TMEM106B: variants seen among roughly 807,000 people sequenced by gnomAD.
TMEM106B encodes the protein transmembrane protein 106B.
Under a neutral mutation model 31.1 loss-of-function variants are expected in TMEM106B, and 15 were observed. The observed-to-expected ratio is 0.48, with a 90% CI of 0.32 to 0.74. TMEM106B has a LOEUF of 0.74. Among genes scored for constraint, TMEM106B ranks in the 30% least tolerant of loss-of-function variants. The pLI is 0.03. For missense variants in TMEM106B, 283 were observed against 327.3 expected (o/e 0.86, Z 1.04); for synonymous variants, 126 against 112.5 (o/e 1.12, Z -0.76).
chr7:12,218,079 G>A (rs536059086), intron 2 of TMEM106B, among the ~76,000 whole-genome samples: 2 of 152,170 alleles, frequency 1.3e-5, no homozygotes, highest in African/African-American at 2.4e-5. Context: ...TCAGGAAAGG[G>A]CGATACCAAT....
intron 5 of TMEM106B, among the ~76,000 whole-genome samples, chr7:12,230,091 A>C (rs1333675628): frequency 6.6e-6 from 1 of 151,448 alleles, no homozygotes; most frequent in Non-Finnish European, 1.5e-5. Flanking sequence ...GGTAGTGTGC[A>C]CCTCTCTTCC....
rs1282409622 is a variant in TMEM106B at position 12,236,683 on chromosome 7, T to A, written c.*4708T>A. On this transcript the variant is annotated 3_prime_UTR_variant, in exon 8 of 8. Coordinates refer to ENST00000396668, the MANE Select transcript of TMEM106B (RefSeq NM_001134232.2). ...GAAACTAGAAGTCTGGGAGGTACTATATCAGCTGTAGTTGGGTAATTCCAA... is the reference window on the plus strand; with the variant it reads ...GAAACTAGAAGTCTGGGAGGTACTAAATCAGCTGTAGTTGGGTAATTCCAA... The A allele has an allele frequency of 6.6e-6, 1 of 152,072 alleles. No homozygotes were observed. The highest frequency in any genetic ancestry group is 1.5e-5 in the Non-Finnish European group (1 of 67,936). 9.4% of individuals were successfully genotyped at this position (152,072 alleles called of 1,614,324 possible). A position where few individuals can be genotyped will look rare whatever the true frequency, so the allele number is the denominator to read the frequency against.
Position 12,237,577 on chromosome 7 carries a change from T to G in TMEM106B, c.*5602T>G, listed in dbSNP as rs1374791690. The G allele has an allele frequency of 6.6e-6, 1 of 152,142 alleles. No homozygotes were observed. Among genetic ancestry groups the G allele is most frequent in the Non-Finnish European group, 1.5e-5 (1 of 68,016 alleles). 9.4% of individuals were successfully genotyped at this position (152,142 alleles called of 1,614,324 possible). A position where few individuals can be genotyped will look rare whatever the true frequency, so the allele number is the denominator to read the frequency against. ...ATATAATCAAGCAAGTTACACACCT[T>G]TTTTTGGTTTCCCAGTGCATATGAA... On this transcript the variant is annotated 3_prime_UTR_variant, in exon 8 of 8. Coordinates refer to ENST00000396668, the MANE Select transcript of TMEM106B (RefSeq NM_001134232.2).
intron 1 of TMEM106B, among the ~76,000 whole-genome samples, chr7:12,212,364 G>T (rs77244413): frequency 6.6e-6 from 1 of 152,180 alleles, no homozygotes; most frequent in African/African-American, 2.4e-5. Context: ...GTTACAGTGT[G>T]TGGGGACAGT....
chr7:12,232,091 C>T lies in TMEM106B; in HGVS notation c.*116C>T, dbSNP rs999795878. 7 of 943,120 alleles carry T rather than the reference C, an allele frequency of 7.4e-6. No homozygotes were observed. Among genetic ancestry groups the T allele is most frequent in the African/African-American group, 6.6e-5 (4 of 60,538 alleles). 58.4% of individuals were successfully genotyped at this position (943,120 alleles called of 1,614,324 possible). A position where few individuals can be genotyped will look rare whatever the true frequency, so the allele number is the denominator to read the frequency against. Reference sequence around the variant, plus strand: ...TTGAACAAACCTAAAGTTTACACTTCTAAGAGTACAGTTAAAAGTATGTGG... The same window carrying T: ...TTGAACAAACCTAAAGTTTACACTTTTAAGAGTACAGTTAAAAGTATGTGG... On this transcript the variant is annotated 3_prime_UTR_variant, in exon 8 of 8. Transcript: ENST00000396668.
rs977637772 is a variant in TMEM106B at position 12,235,353 on chromosome 7, C to T, written c.*3378C>T. The T allele has an allele frequency of 1.9e-4, 29 of 152,358 alleles. No individual in the cohort carries two copies. Among genetic ancestry groups the T allele is most frequent in the African/African-American group, 6.0e-4 (25 of 41,522 alleles). 9.4% of individuals were successfully genotyped at this position (152,358 alleles called of 1,614,324 possible). A position where few individuals can be genotyped will look rare whatever the true frequency, so the allele number is the denominator to read the frequency against. On this transcript the variant is annotated 3_prime_UTR_variant, in exon 8 of 8. Coordinates refer to ENST00000396668, the MANE Select transcript of TMEM106B (RefSeq NM_001134232.2). ...TTGTTTGAAATTACTGAATAACCAT[C>T]TTAAGTATGGAACATTTAAATGGCT...
intron 5 of TMEM106B, 110 bp from the exon 6 acceptor site, chr7:12,230,279 C>A: frequency 1.2e-6 from 1 of 819,002 alleles, no homozygotes; most frequent in South Asian, 1.5e-5. Context: ...CTTTGAGAAT[C>A]AAGCTTGTAA....
At chr7:12,231,596 G>C (rs1782024145) in intron 7 of TMEM106B, 2 of 346,916 alleles carry the variant, frequency 5.8e-6, no homozygotes, top group Non-Finnish European at 1.0e-5. Context: ...TTTAACAGAA[G>C]ATAATTGTTT....
chr7:12,228,965 T>C (rs1388704633), intron 4 of TMEM106B, among the ~76,000 whole-genome samples: 2 of 152,040 alleles, frequency 1.3e-5, no homozygotes, highest in African/African-American at 4.8e-5. Context: ...AGTTTTGTCT[T>C]TTTCTTTTCA....
rs1023712939 is a variant in TMEM106B at position 12,241,493 on chromosome 7, CAT to C, written c.*9519_*9520del. The C allele has an allele frequency of 1.3e-5, 2 of 152,132 alleles. No individual in the cohort carries two copies. The highest frequency in any genetic ancestry group is 4.8e-5 in the African/African-American group (2 of 41,424). 9.4% of individuals were successfully genotyped at this position (152,132 alleles called of 1,614,324 possible). A position where few individuals can be genotyped will look rare whatever the true frequency, so the allele number is the denominator to read the frequency against. On this transcript the variant is annotated 3_prime_UTR_variant, in exon 8 of 8. Transcript: ENST00000396668. The stretch of plus-strand genomic sequence containing the variant: ...TTCAACTCCCACTTATGAGTGGCAA[CAT>C]GTGCTGTTTGGTTTTCTGTTCCTGT...
At position 12,239,246 on chromosome 7, in the gene TMEM106B, A is replaced by G. The variant is rs1473706950; in HGVS notation, c.*7271A>G. 3.3e-5 allele frequency: 5 copies of G among 152,088 alleles called. No homozygotes were observed. Among genetic ancestry groups the G allele is most frequent in the Non-Finnish European group, 2.9e-5 (2 of 68,020 alleles). 9.4% of individuals were successfully genotyped at this position (152,088 alleles called of 1,614,324 possible). On this transcript the variant is annotated 3_prime_UTR_variant, in exon 8 of 8. Coordinates refer to ENST00000396668, the MANE Select transcript of TMEM106B (RefSeq NM_001134232.2). ...CTTGGTAGCTTCCAACTTTTCTTCA[A>G]TAGCTTCCTCATCTCTCTCAGCCTT...
Position 12,234,551 on chromosome 7 carries a change from G to A in TMEM106B, c.*2576G>A, listed in dbSNP as rs1782091378. ...AAAACATCTAGAAAGAGTGAATGAG[G>A]CTTTTAGCTTTTCTTAGGTCAATGT... On this transcript the variant is annotated 3_prime_UTR_variant, in exon 8 of 8. Transcript: ENST00000396668. The A allele has an allele frequency of 6.6e-6, 1 of 151,774 alleles. No homozygotes were observed. Among genetic ancestry groups the A allele is most frequent in the Non-Finnish European group, 1.5e-5 (1 of 67,766 alleles). 9.4% of individuals were successfully genotyped at this position (151,774 alleles called of 1,614,324 possible).
intron 4 of TMEM106B, among the ~76,000 whole-genome samples, chr7:12,228,685 A>T (rs994971181): frequency 3.3e-5 from 5 of 152,004 alleles, no homozygotes; most frequent in Admixed American, 2.0e-4. Flanking sequence ...ATATAACTAA[A>T]TTACTGATGA....
In TMEM106B at chr7:12,221,087, A is replaced by AGT. The variant is rs71027479; in HGVS notation, c.281+2589_281+2590dup. Among the ~76,000 whole-genome samples the AGT allele has an allele frequency of 3.2e-3, 473 of 150,032 alleles. 3 individuals are homozygous for AGT. Among genetic ancestry groups the AGT allele is most frequent in the East Asian group, 6.1e-3 (31 of 5,084 alleles). ...GAAGAGGGAGTGGATAAGCAAGTAA[A>AGT]GTGTGTGTGTGTGTGTGTGTGTGTC... On this transcript the variant is annotated intron_variant, in intron 3 of 7. Transcript: ENST00000396668.
chr7:12,224,389 A>AGTATAAAT lies in TMEM106B; in HGVS notation c.441+5_441+12dup. On this transcript the variant is annotated splice_donor_region_variant and intron_variant, in intron 4 of 7. Transcript: ENST00000396668. ...TACAATTTATTTAAATATCACAGTG[A>AGTATAAAT]GTATAAATTTATATGAAAAATGTTT... 6.3e-7 allele frequency: 1 copy of AGTATAAAT among 1,596,164 alleles called. No individual in the cohort carries two copies. The highest frequency in any genetic ancestry group is 1.1e-5 in the South Asian group (1 of 90,052).
intron 4 of TMEM106B, among the ~76,000 whole-genome samples, chr7:12,225,394 T>G (rs1781880642): frequency 6.6e-6 from 1 of 152,188 alleles, no homozygotes; most frequent in Admixed American, 6.5e-5. Context: ...AGTAATGGGA[T>G]TGCTGGGTCA....
chr7:12,216,482 T>C (rs1324251350), intron 2 of TMEM106B, among the ~76,000 whole-genome samples: 1 of 152,118 alleles, frequency 6.6e-6, no homozygotes, highest in Non-Finnish European at 1.5e-5. Context: ...GAAGTGGATA[T>C]GTTCATTAGG....
At chr7:12,225,020 C>G (rs1781871846) in intron 4 of TMEM106B, among the ~76,000 whole-genome samples, 1 of 152,090 alleles carries the variant, frequency 6.6e-6, no homozygotes, top group African/African-American at 2.4e-5. Flanking sequence ...CTCCCCCATC[C>G]CTCCACCTCA....
chr7:12,223,077 G>A (rs541936924), intron 3 of TMEM106B, among the ~76,000 whole-genome samples: 2 of 152,298 alleles, frequency 1.3e-5, no homozygotes, highest in African/African-American at 4.8e-5. Context: ...TTGTATGTTA[G>A]AGAGAACAGG....
Sources: allele counts gnomAD v4.1 joint callset (sites outside exome capture counted in the v4.1 genomes callset), GRCh38; gene constraint gnomAD v4.1.1; transcripts MANE v1.5; gene names NCBI Gene and HGNC (gene_info 2026-07-23, HGNC 2026-07-21).